The following MYH15 variants were observed in gnomAD, a reference collection of about 807,000 sequenced individuals.
MYH15 encodes myosin heavy chain 15, also known as myosin-15.
In MYH15, 227 loss-of-function variants were observed where a neutral mutation model predicts 240.5. The observed-to-expected ratio is 0.94, with a 90% CI of 0.85 to 1.05. The LOEUF is 1.05. Among genes scored for constraint, MYH15 ranks in the 50% least tolerant of loss-of-function variants. MYH15 has a pLI of 0.00. For synonymous variants in MYH15, 785 were observed against 796.7 expected, an observed-to-expected ratio of 0.99 and a Z score of 0.25; for missense variants, 2,217 against 2,247.5, an observed-to-expected ratio of 0.99 and a Z score of 0.27.
chr3:108,386,014 G>A (rs2082381608), intron 38 of MYH15, among the ~76,000 whole-genome samples: 1 of 152,162 alleles, frequency 6.6e-6, no homozygotes, highest in African/African-American at 2.4e-5. Context: ...GAACCTAGTT[G>A]GGGAACTGAG....
At chr3:108,496,944 G>A (rs998595732) in intron 6 of MYH15, among the ~76,000 whole-genome samples, 14 of 151,704 alleles carry the variant, frequency 9.2e-5, no homozygotes, top group South Asian at 4.2e-4. Context: ...GGAGGATCAC[G>A]AGGTCAGGAG....
chr3:108,543,704 C>T, the MYH15 span: 1 of 152,268 alleles, frequency 6.6e-6, no homozygotes, highest in South Asian at 2.1e-4. Flanking sequence ...GTGGGACATC[C>T]TACTATGGGC....
chr3:108,446,957 C>T (rs1370773348), intron 21 of MYH15, among the ~76,000 whole-genome samples: 1 of 151,870 alleles, frequency 6.6e-6, no homozygotes, highest in Non-Finnish European at 1.5e-5. Context: ...GTTTAGTGAG[C>T]TACAAGAGAA....
At chr3:108,520,376 G>T (rs1007951744) in intron 1 of MYH15, among the ~76,000 whole-genome samples, 5 of 152,124 alleles carry the variant, frequency 3.3e-5, no homozygotes, top group African/African-American at 1.2e-4. Flanking sequence ...TGGTGGAAAA[G>T]GGAGAGATAG....
chr3:108,534,470 GTTTAAT>G, the MYH15 span, among the ~76,000 whole-genome samples: 44 of 152,216 alleles, frequency 2.9e-4, no homozygotes, highest in Middle Eastern at 3.4e-3. Context: ...CCAGAAACTG[GTTTAAT>G]TTTGTCTCAA....
intron 14 of MYH15, among the ~76,000 whole-genome samples, chr3:108,469,599 G>A (rs2083153440): frequency 6.6e-6 from 1 of 152,190 alleles, no homozygotes; most frequent in Non-Finnish European, 1.5e-5. Flanking sequence ...GCAAGGTAGT[G>A]GCCTTGAGGA....
At chr3:108,411,655 T>C (rs2082594064) in intron 30 of MYH15, among the ~76,000 whole-genome samples, 1 of 152,224 alleles carries the variant, frequency 6.6e-6, no homozygotes, top group South Asian at 2.1e-4. Context: ...ATGGATGAAA[T>C]GTGTTCTGTT....
In MYH15 at chr3:108,410,665, T is replaced by C. The variant is rs1476154874; in HGVS notation, c.4413A>G (p.Thr1471=). Residue 1471 remains threonine, a synonymous_variant, in exon 31 of 41, where the codon ACA becomes ACG. Coordinates refer to ENST00000693548, the MANE Select transcript of MYH15 (RefSeq NM_014981.3). ...AGGTGTTCTTGAGCTTGAGGAGCTC[T>C]GTACTGAGAGCCTGAACTTCCTTCT... The part of the protein sequence containing the change: ...ASQKEVQALS[T]ELLKLKNTYE... 6.2e-7 allele frequency: 1 copy of C among 1,614,168 alleles called. No homozygotes were observed. Among genetic ancestry groups the C allele is most frequent in the South Asian group, 1.1e-5 (1 of 91,078 alleles).
At position 108,496,246 on chromosome 3, in the gene MYH15, G is replaced by A. The variant is rs187141504; in HGVS notation, c.619-374C>T. ...CATTAATCTTCCTCTCTTCCCATCC[G>A]ATCTTTGCACTTGGAAATTTATCCT... On this transcript the variant is annotated intron_variant, in intron 6 of 40. Coordinates refer to ENST00000693548, the MANE Select transcript of MYH15 (RefSeq NM_014981.3). 3.3e-3 allele frequency among the ~76,000 whole-genome samples: 508 copies of A among 152,208 alleles called. 5 individuals are homozygous for A. The highest frequency in any genetic ancestry group is 8.8e-3 in the African/African-American group (364 of 41,538).
chr3:108,540,101 A>C, the MYH15 span, among the ~76,000 whole-genome samples: 21,711 of 152,236 alleles, frequency 0.14, 1,866 homozygotes, highest in East Asian at 0.39. Context: ...TTCATTTCAG[A>C]AATTTAAGAT....
rs112393571 is a variant in MYH15 at position 108,449,146 on chromosome 3, G to C, written c.2400-4251C>G. Among the ~76,000 whole-genome samples the C allele has an allele frequency of 2.1e-3, 319 of 152,040 alleles. 1 individual carries two copies. Among genetic ancestry groups the C allele is most frequent in the African/African-American group, 7.1e-3 (295 of 41,526 alleles). On this transcript the variant is annotated intron_variant, in intron 21 of 40. Transcript: ENST00000693548. ...GTGTTCATGAATTGGAAGAACACAGGATATTTTTGGTTAAAAGTCCATAGT... is the reference window on the plus strand; with the variant it reads ...GTGTTCATGAATTGGAAGAACACAGCATATTTTTGGTTAAAAGTCCATAGT...
rs1487867790 is a variant in MYH15 at position 108,464,717 on chromosome 3, T to G, written c.1652A>C (p.Lys551Thr). ...CTTGGGCTTCTGGAGATGAACCGAC[T>G]TTCCAAAATGGTTGTCAAAGAGTTT... The part of the protein sequence containing the change: ...KTKLFDNHFG[K>T]SVHLQKPKPD... The change falls in exon 15 of 41, where the codon AAG becomes ACG. Residue 551 changes from lysine (K) to threonine (T), a missense_variant. Physicochemically the swap from Lys to Thr is moderately conservative, Grantham distance 78 (BLOSUM62 -1). Transcript: ENST00000693548. 6.2e-7 allele frequency: 1 copy of G among 1,613,982 alleles called. No homozygotes were observed. The highest frequency in any genetic ancestry group is 1.7e-5 in the Admixed American group (1 of 60,004).
chr3:108,398,741 G>A lies in MYH15; in HGVS notation c.5029C>T (p.Leu1677=), dbSNP rs1266046602. The A allele has an allele frequency of 1.2e-6, 2 of 1,614,184 alleles. No homozygotes were observed. The highest frequency in any genetic ancestry group is 1.7e-5 in the Admixed American group (1 of 60,020). The change falls in exon 35 of 41, where the codon CTA becomes TTA. Residue 1677 remains leucine, a synonymous_variant. Coordinates refer to ENST00000693548, the MANE Select transcript of MYH15 (RefSeq NM_014981.3). The stretch of plus-strand genomic sequence containing the variant: ...TCTTGCAGGGACCTTAGATCCTCTA[G>A]TTCAGACTGAAGAAGAGAGTTGCGC... The part of the protein sequence containing the change: ...ERRNSLLQSE[L]EDLRSLQEQT...
chr3:108,496,692 G>C (rs560503978), intron 6 of MYH15, among the ~76,000 whole-genome samples: 1 of 150,484 alleles, frequency 6.6e-6, no homozygotes, highest in South Asian at 2.1e-4. Flanking sequence ...ATAAGTTAGA[G>C]AACATTATAT....
At chr3:108,413,373 C>T (rs1269677923) in intron 30 of MYH15, among the ~76,000 whole-genome samples, 1 of 152,190 alleles carries the variant, frequency 6.6e-6, no homozygotes, top group East Asian at 1.9e-4. Flanking sequence ...TCAGCAATTG[C>T]ACAGCAATGC....
chr3:108,400,327 A>T (rs1294760546), intron 33 of MYH15, among the ~76,000 whole-genome samples: 1 of 152,258 alleles, frequency 6.6e-6, no homozygotes, highest in Non-Finnish European at 1.5e-5. Flanking sequence ...AGGACAGTTT[A>T]ACTGCTGTAA....
chr3:108,431,340 G>C (rs568222450), intron 25 of MYH15, among the ~76,000 whole-genome samples: 1 of 152,200 alleles, frequency 6.6e-6, no homozygotes, highest in South Asian at 2.1e-4. Context: ...TTGTAGGGGG[G>C]ACCCAGCAGG....
chr3:108,516,374 A>C (rs2107261215), intron 1 of MYH15, among the ~76,000 whole-genome samples: 1 of 152,336 alleles, frequency 6.6e-6, no homozygotes, highest in South Asian at 2.1e-4. Context: ...ACAATGCCTG[A>C]AAATGAGAAT....
At chr3:108,428,466 C>G in intron 27 of MYH15, 26 bp downstream of exon 27, 1 of 1,576,558 alleles carries the variant, frequency 6.3e-7, no homozygotes, top group Non-Finnish European at 8.6e-7. Context: ...TTCAGAAGAC[C>G]ACGAGGATGG....
Sources: gnomAD v4.1 joint callset for allele counts (sites outside exome capture counted in the v4.1 genomes callset) on GRCh38, gnomAD v4.1.1 for gene constraint, MANE v1.5 for transcripts, NCBI Gene and HGNC (gene_info 2026-07-23, HGNC 2026-07-21) for gene names.